Variants in CCDC144A observed in about 807,000 individuals in gnomAD.
The protein encoded by CCDC144A is coiled-coil domain containing 144A, also known as coiled-coil domain-containing protein 144A.
Under a neutral mutation model 143.8 loss-of-function variants are expected in CCDC144A, and 41 were observed. The observed-to-expected ratio is 0.29, with a 90% CI of 0.22 to 0.37. CCDC144A has a LOEUF of 0.37. Ranked by LOEUF, CCDC144A falls within the 10% of genes least tolerant of loss-of-function variation. The pLI is 1.00. For missense variants in CCDC144A, 637 were observed against 1,488.8 expected (o/e 0.43, Z 9.41); for synonymous variants, 242 against 517.9 (o/e 0.47, Z 7.23).
At chr17:16,745,533 G>A (rs1323516682) in intron 12 of CCDC144A, 11 of 1,264,498 alleles carry the variant, frequency 8.7e-6, no homozygotes, top group Non-Finnish European at 1.1e-5. Flanking sequence ...CCAGTTTCCT[G>A]GTAAGGAATA....
At chr17:16,750,395 T>A (rs1347017092) in intron 12 of CCDC144A, among the ~76,000 whole-genome samples, 1 of 148,924 alleles carries the variant, frequency 6.7e-6, no homozygotes, top group Non-Finnish European at 1.5e-5. Context: ...TCTTTAAGGA[T>A]GCTGACAACA....
intron 12 of CCDC144A, among the ~76,000 whole-genome samples, chr17:16,753,428 GTTTTTTTTTTTTT>G: frequency 1.0e-4 from 6 of 57,374 alleles, no homozygotes; most frequent in Admixed American, 5.9e-4. Flanking sequence ...GTGTTTTGTA[GTTTTTTTTTTTTT>G]TTTTTTTTTT....
chr17:16,748,609 T>G lies in CCDC144A; in HGVS notation c.3373-12816T>G, dbSNP rs575587310. ...TCAAGATGATGCTGGCATCATACAATGAGTTAGGGAGAAGTATCTCCTCAA... is the reference window on the plus strand; with the variant it reads ...TCAAGATGATGCTGGCATCATACAAGGAGTTAGGGAGAAGTATCTCCTCAA... On this transcript the variant is annotated intron_variant, in intron 12 of 16. Transcript: ENST00000399273. 3.9e-4 allele frequency among the ~76,000 whole-genome samples: 59 copies of G among 152,336 alleles called. No individual in the cohort carries two copies. The East Asian group carries it at 0.01, about 26-fold the overall frequency.
At chr17:16,750,661 C>G (rs915310677) in intron 12 of CCDC144A, among the ~76,000 whole-genome samples, 3 of 151,878 alleles carry the variant, frequency 2.0e-5, no homozygotes, top group African/African-American at 7.3e-5. Context: ...CTCTCTCCTT[C>G]TCTTTCAGCC....
chr17:16,710,833 T>C (rs1912363478), intron 5 of CCDC144A, among the ~76,000 whole-genome samples: 1 of 152,116 alleles, frequency 6.6e-6, no homozygotes, highest in African/African-American at 2.4e-5. Context: ...TTCAGTATTA[T>C]GGAATTGTAC....
chr17:16,770,841 T>C (rs896970372), intron 15 of CCDC144A, among the ~76,000 whole-genome samples: 37 of 151,854 alleles, frequency 2.4e-4, no homozygotes, highest in Non-Finnish European at 4.3e-4. Flanking sequence ...GGACATAGCT[T>C]GAAAAGGATC....
At chr17:16,707,632 C>T in intron 4 of CCDC144A, 90 bp downstream of exon 4, 2 of 701,282 alleles carry the variant, frequency 2.9e-6, no homozygotes, top group Non-Finnish European at 4.7e-6. Flanking sequence ...ATGAAATTAC[C>T]TCTCAGACTA....
At position 16,775,839 on chromosome 17, in the gene CCDC144A, T is replaced by C. The variant is rs1915984077; in HGVS notation, c.*2206T>C. 1 of 152,264 alleles carries C rather than the reference T, an allele frequency of 6.6e-6. No individual in the cohort carries two copies. The highest frequency in any genetic ancestry group is 1.5e-5 in the Non-Finnish European group (1 of 68,064). The allele number at this position is 152,264 out of a possible 1,614,324, so 9.4% of individuals were successfully genotyped here. On this transcript the variant is annotated 3_prime_UTR_variant, in exon 17 of 17. Transcript: ENST00000399273. ...CTTCCAGGATTTTTATAGTTTTGGG[T>C]TGTAGATTTAAGTCTTTAATCCATC...
At chr17:16,725,489 TTATGGCATATCATA>T (rs1005854176) in intron 8 of CCDC144A, among the ~76,000 whole-genome samples, 1 of 151,168 alleles carries the variant, frequency 6.6e-6, no homozygotes, top group Non-Finnish European at 1.5e-5. Flanking sequence ...TCAAAAAATA[TTATGGCATATCATA>T]TATGGCATAA....
At chr17:16,769,347 T>C (rs1915734531) in intron 15 of CCDC144A, among the ~76,000 whole-genome samples, 1 of 152,218 alleles carries the variant, frequency 6.6e-6, no homozygotes. Flanking sequence ...GCCAGGAAAA[T>C]GAAGGTTCTC....
intron 1 of CCDC144A, chr17:16,691,764 AAAACAAACAAACAAACAAAC>A (rs199922365): frequency 6.6e-6 from 1 of 151,526 alleles, no homozygotes; most frequent in African/African-American, 2.4e-5. Flanking sequence ...GACTCAGTCT[AAAACAAACAAACAAACAAAC>A]AAACAAACAA....
chr17:16,726,761 A>G (rs1440214782), intron 8 of CCDC144A, among the ~76,000 whole-genome samples: 1 of 151,596 alleles, frequency 6.6e-6, no homozygotes, highest in Non-Finnish European at 1.5e-5. Flanking sequence ...GCAAATCTTC[A>G]GTGTTCTTTC....
In CCDC144A at chr17:16,773,999, G is replaced by A. The variant is rs1408830052; in HGVS notation, c.*366G>A. 61 of 194,998 alleles carry A rather than the reference G, an allele frequency of 3.1e-4. No individual in the cohort carries two copies. The highest frequency in any genetic ancestry group is 1.3e-3 in the African/African-American group (56 of 41,634). The allele number at this position is 194,998 out of a possible 1,614,324, so 12.1% of individuals were successfully genotyped here. On this transcript the variant is annotated 3_prime_UTR_variant, in exon 17 of 17. Coordinates refer to ENST00000399273, the MANE Select transcript of CCDC144A (RefSeq NM_001382000.1). ...TAGATAGACATCATTTTGGTATACTGGTACTGTGGTCATTGTCAATGTTTG... is the reference window on the plus strand; with the variant it reads ...TAGATAGACATCATTTTGGTATACTAGTACTGTGGTCATTGTCAATGTTTG...
At chr17:16,675,731 T>G in the CCDC144A span, among the ~76,000 whole-genome samples, 1 of 152,040 alleles carries the variant, frequency 6.6e-6, no homozygotes, top group Middle Eastern at 3.2e-3. Flanking sequence ...GTTGCCCAGC[T>G]TCGTTAAGCT....
chr17:16,678,944 G>A, the CCDC144A span, among the ~76,000 whole-genome samples: 9 of 151,868 alleles, frequency 5.9e-5, no homozygotes, highest in Non-Finnish European at 1.2e-4. Flanking sequence ...AGTAGAGGGC[G>A]GGTTTCTCCA....
At chr17:16,669,917 C>G in the CCDC144A span, among the ~76,000 whole-genome samples, 1 of 152,088 alleles carries the variant, frequency 6.6e-6, no homozygotes, top group African/African-American at 2.4e-5. Flanking sequence ...AGGCCAGGCC[C>G]GGTGGCTATA....
At chr17:16,687,313 G>A (rs544053566), upstream of CCDC144A, among the ~76,000 whole-genome samples, 1 of 152,186 alleles carries the variant, frequency 6.6e-6, no homozygotes, top group South Asian at 2.1e-4. Flanking sequence ...CACTGAACAG[G>A]GATTGAATTT....
chr17:16,709,200 T>C lies in CCDC144A; in HGVS notation c.1143T>C (p.Ser381=). ...TCCATCCATACTATCATCCATACTC[T>C]GGGTCCCAGGAACATGTTTGCCAGT... ...NIIHPYYHPY[S]GSQEHVCQSS... Residue 381 remains serine (S), a synonymous_variant, in exon 5 of 17, where the codon TCT becomes TCC. Transcript: ENST00000399273. 1 of 1,611,736 alleles carries C rather than the reference T, an allele frequency of 6.2e-7. No homozygotes were observed. Among genetic ancestry groups the C allele is most frequent in the Non-Finnish European group, 8.5e-7 (1 of 1,179,660 alleles).
chr17:16,703,212 T>C (rs1033116681), intron 2 of CCDC144A, among the ~76,000 whole-genome samples: 4,693 of 151,972 alleles, frequency 0.031, 217 homozygotes, highest in African/African-American at 0.11. Context: ...CATATGTGTA[T>C]GGTCATAAAT....
Sources: gnomAD v4.1 joint callset for allele counts (sites outside exome capture counted in the v4.1 genomes callset) on GRCh38, gnomAD v4.1.1 for gene constraint, MANE v1.5 for transcripts, NCBI Gene and HGNC (gene_info 2026-07-23, HGNC 2026-07-21) for gene names.